Variants in GRHL1 observed in about 807,000 individuals in gnomAD.
The protein encoded by GRHL1 is grainyhead-like protein 1 homolog.
A neutral mutation model predicts 75.7 loss-of-function variants in GRHL1; 38 were observed. The observed-to-expected ratio is 0.50, with a 90% CI of 0.39 to 0.66. The LOEUF is 0.66. GRHL1 is among the 30% of genes least tolerant of loss of function. The probability of loss-of-function intolerance (pLI) is 0.00; values close to 1 mark genes in which losing one functional copy is unlikely to be tolerated. For synonymous variants in GRHL1, 266 were observed against 279.4 expected, an observed-to-expected ratio of 0.95 and a Z score of 0.48; for missense variants, 589 against 767.5, an observed-to-expected ratio of 0.77 and a Z score of 2.75.
intron 14 of GRHL1, among the ~76,000 whole-genome samples, chr2:9,997,377 C>T (rs771132334): frequency 1.3e-5 from 2 of 152,164 alleles, no homozygotes; most frequent in Non-Finnish European, 2.9e-5. Context: ...GTCTCTCAGC[C>T]AGGCGCCCCA....
At chr2:9,982,507 C>A (rs1187272398) in intron 8 of GRHL1, among the ~76,000 whole-genome samples, 2 of 152,194 alleles carry the variant, frequency 1.3e-5, no homozygotes, top group African/African-American at 2.4e-5. Context: ...TCCTGCCAGG[C>A]GATTCTAATT....
Position 9,993,460 on chromosome 2 carries a change from T to G in GRHL1, c.1499+216T>G, listed in dbSNP as rs1225023207. On this transcript the variant is annotated intron_variant, in intron 12 of 15. Transcript: ENST00000324907. The stretch of plus-strand genomic sequence containing the variant: ...ACAGTCAAGATTAGAATATTAACAT[T>G]GCTTCATTAGCACCAATAATGTCCT... Among the ~76,000 whole-genome samples the G allele has an allele frequency of 2.0e-5, 3 of 152,250 alleles. No individual in the cohort carries two copies. The East Asian group carries it at 5.8e-4, about 29-fold the overall frequency.
chr2:9,982,031 T>C (rs1056094909), intron 8 of GRHL1, among the ~76,000 whole-genome samples: 3 of 152,254 alleles, frequency 2.0e-5, no homozygotes, highest in African/African-American at 4.8e-5. Context: ...GGTTAATATC[T>C]TAAGAACTCT....
chr2:9,972,024 G>A (rs538723294), intron 8 of GRHL1, among the ~76,000 whole-genome samples: 40 of 152,182 alleles, frequency 2.6e-4, no homozygotes, highest in Admixed American at 1.7e-3. Flanking sequence ...ATTTGTCATC[G>A]CGCAGGCCGG....
At position 9,951,758 on chromosome 2, in the gene GRHL1, C is replaced by G. The variant is rs568022995; in HGVS notation, c.-76C>G. On this transcript the variant is annotated 5_prime_UTR_variant, in exon 1 of 16. Transcript: ENST00000324907. This position sits in a 1 kb window ranked among gnomAD's most constrained non-coding sequence, Gnocchi z 4.2. The stretch of plus-strand genomic sequence containing the variant: ...CCGGACCCGCAGCCGCCGCCGCCGC[C>G]TCCTCCCCCCGGATCGGGTGTACTG... 3.5e-3 allele frequency: 4,775 copies of G among 1,381,700 alleles called. 123 individuals are homozygous for G. The African/African-American group carries it at 0.063, about 18-fold the overall frequency. 85.6% of individuals were successfully genotyped at this position (1,381,700 alleles called of 1,614,324 possible). A position where few individuals can be genotyped will look rare whatever the true frequency, so the allele number is the denominator to read the frequency against.
intron 8 of GRHL1, among the ~76,000 whole-genome samples, chr2:9,970,391 C>T (rs1667673600): frequency 6.6e-6 from 1 of 152,206 alleles, no homozygotes; most frequent in African/African-American, 2.4e-5. Context: ...GTTGTGCATT[C>T]CACGCTAAAA....
At chr2:9,989,863 T>G in intron 9 of GRHL1, among the ~76,000 whole-genome samples, 1 of 152,094 alleles carries the variant, frequency 6.6e-6, no homozygotes, top group East Asian at 1.9e-4. Context: ...TTGTTCTCTT[T>G]TAAGTGATGA....
chr2:9,985,770 A>G (rs1015084106), intron 8 of GRHL1, among the ~76,000 whole-genome samples: 10 of 152,260 alleles, frequency 6.6e-5, no homozygotes, highest in Non-Finnish European at 1.5e-4. Context: ...GTTACAGAAC[A>G]GCTGCAGAGG....
intron 8 of GRHL1, among the ~76,000 whole-genome samples, chr2:9,979,226 GT>G (rs1668093496): frequency 8.3e-6 from 1 of 120,014 alleles, no homozygotes; most frequent in Non-Finnish European, 1.7e-5. Flanking sequence ...GGATCTAAAT[GT>G]TCAATCTTTT....
chr2:9,956,482 T>TA (rs1053987902), intron 2 of GRHL1, among the ~76,000 whole-genome samples: 3 of 151,790 alleles, frequency 2.0e-5, no homozygotes, highest in Non-Finnish European at 4.4e-5. Flanking sequence ...GATCATGCCA[T>TA]ATCACTACAC....
chr2:9,951,849 G>C lies in GRHL1; in HGVS notation c.16G>C (p.Asp6His). The change falls in exon 1 of 16, where the codon GAC becomes CAC. Residue 6 changes from aspartate (D) to histidine (H), a missense_variant. By Grantham distance (81) the Asp-to-His change is moderately conservative (BLOSUM62 -1). This residue lies in a region of GRHL1 where 362 missense variants were observed against 461.8 expected (regional missense o/e 0.78). Transcript: ENST00000324907. The surrounding 1 kb of genome is among the most constrained non-coding windows in gnomAD (Gnocchi z 4.2). ...AGCGGGCGCGATGACACAGGAGTAC[G>C]ACAAGTGAGTGAGGCGCAGGAGTCC... is the stretch of plus-strand genomic sequence containing the variant. The part of the protein sequence containing the change: MTQEY[D>H]NKRPVLVLQN... 3 of 1,505,046 alleles carry C rather than the reference G, an allele frequency of 2.0e-6. No individual in the cohort carries two copies. The highest frequency in any genetic ancestry group is 1.4e-5 in the African/African-American group (1 of 68,976). 93.2% of individuals were successfully genotyped at this position (1,505,046 alleles called of 1,614,324 possible). A position where few individuals can be genotyped will look rare whatever the true frequency, so the allele number is the denominator to read the frequency against.
chr2:9,996,488 A>C, intron 14 of GRHL1, 87 bp downstream of exon 14: 1 of 949,558 alleles, frequency 1.1e-6, no homozygotes, highest in Non-Finnish European at 1.7e-6. Flanking sequence ...CAGATGATCC[A>C]AATCCTTTGT....
At chr2:9,978,695 T>C (rs1668055665) in intron 8 of GRHL1, among the ~76,000 whole-genome samples, 1 of 152,188 alleles carries the variant, frequency 6.6e-6, no homozygotes, top group Non-Finnish European at 1.5e-5. Context: ...AATCAGGTCT[T>C]TAAAAAGGAA....
Position 9,987,887 on chromosome 2 carries a change from C to T in GRHL1, c.1269+1605C>T, listed in dbSNP as rs1033260423. Among the ~76,000 whole-genome samples the T allele has an allele frequency of 1.4e-4, 22 of 151,984 alleles. No homozygotes were observed. Among genetic ancestry groups the T allele is most frequent in the African/African-American group, 4.8e-4 (20 of 41,374 alleles). The stretch of plus-strand genomic sequence containing the variant: ...TATTGGACCTATTTTTGGCAGGGGA[C>T]GGGGGCAGTTCTTTTCATCCTATTA... On this transcript the variant is annotated intron_variant, in intron 9 of 15. Transcript: ENST00000324907. This position sits in a 1 kb window ranked among gnomAD's most constrained non-coding sequence, Gnocchi z 4.2.
At chr2:9,957,559 G>A (rs1321682877) in intron 2 of GRHL1, among the ~76,000 whole-genome samples, 1 of 152,088 alleles carries the variant, frequency 6.6e-6, no homozygotes, top group Non-Finnish European at 1.5e-5. Context: ...GCAGGCGTGT[G>A]CCACCATGCC....
intron 8 of GRHL1, among the ~76,000 whole-genome samples, chr2:9,977,091 T>C (rs1485180202): frequency 1.3e-5 from 2 of 152,236 alleles, no homozygotes; most frequent in East Asian, 3.8e-4. Flanking sequence ...GGTCCTCTAC[T>C]AGAGGTTGGA....
rs1279026426 is a variant in GRHL1, at chr2:9,990,155, CTT to C, written c.1270-531_1270-530del. 6.8e-6 allele frequency among the ~76,000 whole-genome samples: 1 copy of C among 146,024 alleles called. No homozygotes were observed. Among genetic ancestry groups the C allele is most frequent in the Admixed American group, 6.8e-5 (1 of 14,612 alleles). On this transcript the variant is annotated intron_variant, in intron 9 of 15. Transcript: ENST00000324907. The surrounding 1 kb of genome is among the most constrained non-coding windows in gnomAD (Gnocchi z 4.2). ...ACATCCATTATAAGGAGAAATTTTG[CTT>C]TTTTTTTTTGAGACAGAGTTTCGCT... is the stretch of plus-strand genomic sequence containing the variant.
At chr2:9,970,521 G>A (rs188839804) in intron 8 of GRHL1, among the ~76,000 whole-genome samples, 32 of 152,310 alleles carry the variant, frequency 2.1e-4, no homozygotes, top group Admixed American at 1.6e-3. Context: ...CAGGTTGCTC[G>A]CAGAGAGATG....
chr2:9,965,155 T>A (rs1667436555), intron 7 of GRHL1, 132 bp from the exon 8 acceptor site: 1 of 561,108 alleles, frequency 1.8e-6, no homozygotes, highest in South Asian at 3.0e-5. Context: ...CTTCTTCTAA[T>A]CGAACAAAAT....
Sources: allele counts gnomAD v4.1 joint callset (sites outside exome capture counted in the v4.1 genomes callset), GRCh38; gene constraint gnomAD v4.1.1; regional missense constraint gnomAD v4.1.1; non-coding constraint Gnocchi (gnomAD v3.1); transcripts MANE v1.5; gene names NCBI Gene and HGNC (gene_info 2026-07-23, HGNC 2026-07-21).